The following TSPO variants were observed in gnomAD, a reference collection of about 807,000 sequenced individuals.
TSPO encodes translocator protein.
In TSPO, 14 loss-of-function variants were observed where a neutral mutation model predicts 13.9. The observed-to-expected ratio is 1.01, with a 90% CI of 0.67 to 1.58. The LOEUF is 1.58. Ranked by LOEUF, TSPO falls within the 40% of genes most tolerant of loss-of-function variation. The probability of loss-of-function intolerance (pLI) is 0.00; values close to 1 mark genes in which losing one functional copy is unlikely to be tolerated. For missense variants in TSPO, 232 were observed against 229.6 expected (o/e 1.01, Z -0.07); for synonymous variants, 114 against 105.9 (o/e 1.08, Z -0.47).
At chr22:43,156,493 G>C (rs1931253195) in intron 1 of TSPO, among the ~76,000 whole-genome samples, 1 of 141,798 alleles carries the variant, frequency 7.1e-6, no homozygotes, top group South Asian at 2.5e-4. Context: ...AAATGTCCAG[G>C]ATGGGCAAGT....
chr22:43,162,295 T>A (rs1931466916), intron 3 of TSPO, among the ~76,000 whole-genome samples: 1 of 152,140 alleles, frequency 6.6e-6, no homozygotes, highest in African/African-American at 2.4e-5. Flanking sequence ...CTAATTTTTT[T>A]ATTTTTAGTA....
chr22:43,156,872 G>A (rs1931266747), intron 1 of TSPO, among the ~76,000 whole-genome samples: 1 of 152,184 alleles, frequency 6.6e-6, no homozygotes, highest in Non-Finnish European at 1.5e-5. Flanking sequence ...CCATTAGTGT[G>A]GGGCAGGTGG....
At chr22:43,160,090 G>T (rs1022391883) in intron 2 of TSPO, among the ~76,000 whole-genome samples, 1 of 152,152 alleles carries the variant, frequency 6.6e-6, no homozygotes, top group Non-Finnish European at 1.5e-5. Context: ...TCTAGGGGGC[G>T]GATAGCAGAG....
At chr22:43,152,629 C>A (rs904880902) in intron 1 of TSPO, among the ~76,000 whole-genome samples, 2 of 152,252 alleles carry the variant, frequency 1.3e-5, no homozygotes, top group African/African-American at 2.4e-5. Context: ...CAGCCTCAGC[C>A]CAGCAGGGGA....
intron 2 of TSPO, 82 bp downstream of exon 2, chr22:43,159,502 G>A (rs1335529054): frequency 7.6e-7 from 1 of 1,311,670 alleles, no homozygotes; most frequent in African/African-American, 1.5e-5. Flanking sequence ...GTCTTCTCCA[G>A]GCGGGCCATG....
chr22:43,161,201 C>A lies in TSPO; in HGVS notation c.321+11C>A, dbSNP rs1212299494. The A allele has an allele frequency of 6.2e-7, 1 of 1,609,086 alleles. No homozygotes were observed. The highest frequency in any genetic ancestry group is 1.3e-5 in the African/African-American group (1 of 74,906). On this transcript the variant is annotated intron_variant, in intron 3 of 3. Coordinates refer to ENST00000337554, the MANE Select transcript of TSPO (RefSeq NM_000714.6). ...CGACAAATGGGCTGGGTAAGTGTGG[C>A]CACAGCATGTGTCCCTGATCCCTGG...
rs1931507099 is a variant in TSPO, at chr22:43,163,064, T to C, written c.*73T>C. 3 of 1,555,150 alleles carry C rather than the reference T, an allele frequency of 1.9e-6. No homozygotes were observed. The highest frequency in any genetic ancestry group is 1.4e-5 in the African/African-American group (1 of 73,584). ...GCTTGTGATGTGGTGGCCGTCACGC[T>C]TTCATGACCACTGGGCCTGCTAGTC... On this transcript the variant is annotated 3_prime_UTR_variant, in exon 4 of 4. Coordinates refer to ENST00000337554, the MANE Select transcript of TSPO (RefSeq NM_000714.6).
chr22:43,157,578 C>T (rs1419963835), intron 1 of TSPO, among the ~76,000 whole-genome samples: 1 of 152,064 alleles, frequency 6.6e-6, no homozygotes, highest in Admixed American at 6.6e-5. Context: ...GCCTGTAATC[C>T]CAGCACTTTG....
Position 43,159,271 on chromosome 22 carries a change from C to T in TSPO, c.33C>T (p.Phe11=). ...CGCCCTGGGTGCCCGCCATGGGCTT[C>T]ACGCTGGCGCCCAGCCTGGGGTGCT... MAPPWVPAMG[F]TLAPSLGCFV... The change falls in exon 2 of 4, where the codon TTC becomes TTT. Residue 11 remains phenylalanine, a synonymous_variant. Transcript: ENST00000337554. The T allele has an allele frequency of 3.2e-6, 5 of 1,558,824 alleles. No homozygotes were observed. The highest frequency in any genetic ancestry group is 4.3e-6 in the Non-Finnish European group (5 of 1,152,112).
intron 2 of TSPO, among the ~76,000 whole-genome samples, chr22:43,159,896 T>A (rs1931380243): frequency 6.6e-6 from 1 of 151,544 alleles, no homozygotes; most frequent in East Asian, 2.0e-4. Context: ...CTGGCCTGAG[T>A]CCCCTGGGAA....
chr22:43,157,231 C>T (rs955567674), intron 1 of TSPO, among the ~76,000 whole-genome samples: 5 of 151,030 alleles, frequency 3.3e-5, no homozygotes, highest in Non-Finnish European at 7.4e-5. Context: ...ACATCAGACC[C>T]CCATCCCCAC....
chr22:43,153,115 C>CTT (rs1931139634), intron 1 of TSPO, among the ~76,000 whole-genome samples: 1 of 134,962 alleles, frequency 7.4e-6, no homozygotes. Flanking sequence ...CTTTCTCTTT[C>CTT]TCTTTTTTTC....
intron 3 of TSPO, 134 bp downstream of exon 3, chr22:43,161,324 A>G: frequency 7.6e-7 from 1 of 1,311,788 alleles, no homozygotes; most frequent in Non-Finnish European, 1.0e-6. Flanking sequence ...CTCTAGCTGT[A>G]AGCAGCCCAC....
chr22:43,158,077 G>A (rs1931311460), intron 1 of TSPO, among the ~76,000 whole-genome samples: 1 of 152,020 alleles, frequency 6.6e-6, no homozygotes, highest in Non-Finnish European at 1.5e-5. Flanking sequence ...CTTCTCCCTG[G>A]GGCCAGATTT....
chr22:43,161,674 A>C (rs1476111000), intron 3 of TSPO, among the ~76,000 whole-genome samples: 4 of 150,818 alleles, frequency 2.7e-5, no homozygotes, highest in African/African-American at 9.8e-5. Context: ...TTGTATTTGT[A>C]TTTTTTTAGT....
rs1931365619 is a variant in TSPO, at chr22:43,159,514, A to G, written c.182+94A>G. On this transcript the variant is annotated intron_variant, in intron 2 of 3. Transcript: ENST00000337554. ...AGGGTCTTCTCCAGGCGGGCCATGG[A>G]CCATGGCATGGTTTCCCCAGCCCCA... 3 of 1,260,166 alleles carry G rather than the reference A, an allele frequency of 2.4e-6. No homozygotes were observed. The South Asian group carries it at 5.9e-5, about 25-fold the overall frequency. The allele number at this position is 1,260,166 out of a possible 1,614,324, so 78.1% of individuals were successfully genotyped here.
chr22:43,157,291 G>A (rs2147053701), intron 1 of TSPO, among the ~76,000 whole-genome samples: 1 of 136,296 alleles, frequency 7.3e-6, no homozygotes, highest in South Asian at 2.1e-4. Flanking sequence ...AGGAGGGCGG[G>A]GCGGGGCAGG....
At chr22:43,152,609 A>G (rs1013740232) in intron 1 of TSPO, among the ~76,000 whole-genome samples, 4 of 152,252 alleles carry the variant, frequency 2.6e-5, no homozygotes, top group African/African-American at 9.6e-5. Context: ...TGTGGCAAGG[A>G]CAGGAGAGCC....
chr22:43,152,566 G>C (rs1931105692), intron 1 of TSPO, among the ~76,000 whole-genome samples: 1 of 152,284 alleles, frequency 6.6e-6, no homozygotes, highest in Non-Finnish European at 1.5e-5. Context: ...AGGGCAGCCT[G>C]AGGCAGGTTT....
Sources: gnomAD v4.1 joint callset for allele counts (sites outside exome capture counted in the v4.1 genomes callset) on GRCh38, gnomAD v4.1.1 for gene constraint, MANE v1.5 for transcripts, NCBI Gene and HGNC (gene_info 2026-07-23, HGNC 2026-07-21) for gene names.